GRM8: variants seen among roughly 807,000 people sequenced by gnomAD.
The protein encoded by GRM8 is glutamate metabotropic receptor 8.
In GRM8, 47 loss-of-function variants were observed where a neutral mutation model predicts 87.2. The observed-to-expected ratio is 0.54, with a 90% CI of 0.43 to 0.69. The LOEUF is 0.69. Ranked by LOEUF, GRM8 falls within the 30% of genes least tolerant of loss-of-function variation. The pLI, the probability that GRM8 is intolerant of heterozygous loss-of-function variation, is 0.00. For missense variants in GRM8, 1,019 were observed against 1,139.2 expected, an observed-to-expected ratio of 0.89 and a Z score of 1.52; for synonymous variants, 396 against 404.5, an observed-to-expected ratio of 0.98 and a Z score of 0.25.
intron 6 of GRM8, among the ~76,000 whole-genome samples, chr7:126,884,657 C>T (rs1477865013): frequency 6.6e-6 from 1 of 152,116 alleles, no homozygotes. Context: ...ACTGCATCAC[C>T]TACCTTGAAG....
intron 7 of GRM8, among the ~76,000 whole-genome samples, chr7:126,625,054 A>C (rs1419489): frequency 1.3e-5 from 2 of 151,964 alleles, no homozygotes; most frequent in Admixed American, 6.6e-5. Context: ...TAACATCCAA[A>C]TATCTAGTGA....
chr7:127,062,587 G>A (rs1480618381), intron 3 of GRM8, among the ~76,000 whole-genome samples: 1 of 152,162 alleles, frequency 6.6e-6, no homozygotes, highest in East Asian at 1.9e-4. Context: ...CTGTAGGAAT[G>A]GTTGGTACTT....
chr7:127,118,407 TAA>T (rs1262932646), intron 2 of GRM8: 1 of 152,176 alleles, frequency 6.6e-6, no homozygotes, highest in Non-Finnish European at 1.5e-5. Context: ...GGCAATACAT[TAA>T]GTTTCCCCTA....
chr7:126,801,831 G>A (rs1222717641), intron 6 of GRM8, among the ~76,000 whole-genome samples: 2 of 152,036 alleles, frequency 1.3e-5, no homozygotes, highest in African/African-American at 4.8e-5. Flanking sequence ...TGTCTCCTTT[G>A]CTTCGAGTCA....
chr7:127,017,184 C>A (rs1372506703), intron 3 of GRM8, among the ~76,000 whole-genome samples: 1 of 152,052 alleles, frequency 6.6e-6, no homozygotes, highest in Non-Finnish European at 1.5e-5. Flanking sequence ...ATCAATACTG[C>A]AGAAGTTGTC....
At chr7:126,647,293 GGATA>G (rs58263801) in intron 7 of GRM8, among the ~76,000 whole-genome samples, 24,541 of 142,804 alleles carry the variant, frequency 0.17, 2,240 homozygotes, top group African/African-American at 0.22. Context: ...ATAAATAGAT[GGATA>G]GATAGATAGA....
In GRM8 at chr7:126,648,293, A is replaced by G. The variant is rs186859093; in HGVS notation, c.1358-38795T>C. 1.3e-4 allele frequency among the ~76,000 whole-genome samples: 20 copies of G among 152,272 alleles called. No homozygotes were observed. In the East Asian group the frequency reaches 3.5e-3, roughly 26 times the overall value. ...ATCACTGATTTTTAATGTGATTATTATCTATCCTCCCTATCTGTCTGATTT... is the reference window on the plus strand; with the variant it reads ...ATCACTGATTTTTAATGTGATTATTGTCTATCCTCCCTATCTGTCTGATTT... On this transcript the variant is annotated intron_variant, in intron 7 of 10. Transcript: ENST00000339582.
At chr7:127,180,464 C>G (rs1486338653) in intron 2 of GRM8, among the ~76,000 whole-genome samples, 5 of 151,938 alleles carry the variant, frequency 3.3e-5, no homozygotes, top group Admixed American at 1.3e-4. Context: ...TTCCACAAGA[C>G]AGAGAAAGAA....
chr7:127,198,155 T>C (rs758883855), intron 2 of GRM8, among the ~76,000 whole-genome samples: 5 of 152,228 alleles, frequency 3.3e-5, no homozygotes, highest in Non-Finnish European at 7.3e-5. Flanking sequence ...TAATGTATAA[T>C]GATCAAATCA....
At chr7:127,024,733 T>A (rs1364310276) in intron 3 of GRM8, among the ~76,000 whole-genome samples, 1 of 152,066 alleles carries the variant, frequency 6.6e-6, no homozygotes, top group African/African-American at 2.4e-5. Flanking sequence ...ATTCCTGGTT[T>A]TAGCACCTGC....
chr7:126,913,854 GAGA>G (rs992071636), intron 3 of GRM8, among the ~76,000 whole-genome samples: 2 of 152,220 alleles, frequency 1.3e-5, no homozygotes, highest in Middle Eastern at 3.2e-3. Flanking sequence ...CTTTGCAAAA[GAGA>G]AGATTTATCT....
chr7:127,167,233 G>C (rs567027728), intron 2 of GRM8, among the ~76,000 whole-genome samples: 2 of 152,178 alleles, frequency 1.3e-5, no homozygotes, highest in South Asian at 4.2e-4. Flanking sequence ...CCAAAAACCA[G>C]TCTGCTCCTT....
intron 2 of GRM8, among the ~76,000 whole-genome samples, chr7:127,137,220 T>TACACACACAC (rs145265792): frequency 6.7e-6 from 1 of 149,806 alleles, no homozygotes; most frequent in Non-Finnish European, 1.5e-5. Context: ...AACATACACA[T>TACACACACAC]ACACACACAC....
At chr7:126,653,480 T>G (rs1804164534) in intron 7 of GRM8, among the ~76,000 whole-genome samples, 1 of 152,154 alleles carries the variant, frequency 6.6e-6, no homozygotes, top group African/African-American at 2.4e-5. Context: ...TGTCTCAAAT[T>G]ATATTAAATA....
intron 6 of GRM8, among the ~76,000 whole-genome samples, chr7:126,841,854 G>C (rs778475063): frequency 1.3e-5 from 2 of 151,714 alleles, no homozygotes; most frequent in Non-Finnish European, 2.9e-5. Context: ...GGATGGTCTC[G>C]ATCTCCTGAC....
At chr7:126,689,936 A>G (rs1002141072) in intron 7 of GRM8, among the ~76,000 whole-genome samples, 1 of 152,172 alleles carries the variant, frequency 6.6e-6, no homozygotes, top group Admixed American at 6.5e-5. Flanking sequence ...CCTGTGTTTA[A>G]GCTGTAAAGT....
At chr7:126,895,476 T>C (rs2131135265) in intron 6 of GRM8, among the ~76,000 whole-genome samples, 2 of 152,200 alleles carry the variant, frequency 1.3e-5, no homozygotes, top group Middle Eastern at 6.8e-3. Context: ...AAAATCTGCA[T>C]GTTAACAAGG....
rs1013213530 is a variant in GRM8, at chr7:127,148,408, AGATG to A, written c.511-41700_511-41697del. Among the ~76,000 whole-genome samples the A allele has an allele frequency of 3.3e-5, 5 of 150,808 alleles. No individual in the cohort carries two copies. In the East Asian group the frequency reaches 9.7e-4, roughly 29 times the overall value. On this transcript the variant is annotated intron_variant, in intron 2 of 10. Transcript: ENST00000339582. ...CAATACCCCACTTTCAACAATAGAT[AGATG>A]AAGCAAAAAAAAAAAATAATAAGGA...
intron 8 of GRM8, among the ~76,000 whole-genome samples, chr7:126,552,668 T>C (rs1792713071): frequency 6.6e-6 from 1 of 152,156 alleles, no homozygotes; most frequent in Non-Finnish European, 1.5e-5. Context: ...GTGTTATTTG[T>C]TGGCCAAAGC....
Sources: allele counts gnomAD v4.1 joint callset (sites outside exome capture counted in the v4.1 genomes callset), GRCh38; gene constraint gnomAD v4.1.1; transcripts MANE v1.5; gene names NCBI Gene and HGNC (gene_info 2026-07-23, HGNC 2026-07-21).